The following IRGM variants were observed in gnomAD, a reference collection of about 807,000 sequenced individuals.
The protein encoded by IRGM is immunity-related GTPase family M protein.
For missense variants in IRGM, 288 were observed against 219.9 expected (o/e 1.31, Z -1.96); for synonymous variants, 98 against 80.6 (o/e 1.22, Z -1.16).
chr5:150,891,199 CTTAG>C (rs141102487), intron 3 of IRGM, among the ~76,000 whole-genome samples: 3,364 of 152,128 alleles, frequency 0.022, 90 homozygotes, highest in South Asian at 0.077. Flanking sequence ...TTAAAAATCT[CTTAG>C]TTAGTATTTA....
At chr5:150,856,985 GT>G (rs1226543413) in intron 1 of IRGM, among the ~76,000 whole-genome samples, 1 of 150,322 alleles carries the variant, frequency 6.7e-6, no homozygotes, top group African/African-American at 2.4e-5. Context: ...CAATGTGCAG[GT>G]TTGTTACATA....
chr5:150,887,492 C>T (rs944145089), intron 3 of IRGM, among the ~76,000 whole-genome samples: 1 of 151,760 alleles, frequency 6.6e-6, no homozygotes, highest in African/African-American at 2.4e-5. Context: ...AGGGAGGAAG[C>T]AAACAACTTG....
chr5:150,882,915 T>C (rs774666068), intron 3 of IRGM, among the ~76,000 whole-genome samples: 1 of 152,138 alleles, frequency 6.6e-6, no homozygotes, highest in Non-Finnish European at 1.5e-5. Context: ...CAGCATAATA[T>C]ACATTCTTTT....
At chr5:150,871,884 G>A (rs979758420) in intron 1 of IRGM, among the ~76,000 whole-genome samples, 1 of 152,198 alleles carries the variant, frequency 6.6e-6, no homozygotes, top group African/African-American at 2.4e-5. Flanking sequence ...TCTGCCCGGA[G>A]CTCATTGATC....
chr5:150,898,590 C>G (rs372058437), intron 3 of IRGM: 34 of 1,543,922 alleles, frequency 2.2e-5, no homozygotes, highest in Non-Finnish European at 7.9e-6. Flanking sequence ...CTGAAATGAT[C>G]ATTCTCATAA....
chr5:150,849,435 A>C (rs990956910), downstream of IRGM, among the ~76,000 whole-genome samples: 4 of 152,218 alleles, frequency 2.6e-5, no homozygotes, highest in Non-Finnish European at 5.9e-5. Flanking sequence ...AATCCAAAGG[A>C]AGGCATCAGA....
intron 3 of IRGM, among the ~76,000 whole-genome samples, chr5:150,893,501 C>T (rs1319692140): frequency 6.6e-6 from 1 of 152,124 alleles, no homozygotes; most frequent in African/African-American, 2.4e-5. Context: ...CTGTGAAAAA[C>T]TGATGTAATT....
chr5:150,895,849 G>GT (rs777193595), intron 3 of IRGM: 8 of 1,613,590 alleles, frequency 5.0e-6, no homozygotes, highest in East Asian at 2.2e-5. Context: ...CATTCATAAG[G>GT]TTTTTCCCCA....
chr5:150,871,290 ATTTTG>A (rs945361187), intron 1 of IRGM, among the ~76,000 whole-genome samples: 5 of 152,184 alleles, frequency 3.3e-5, no homozygotes, highest in African/African-American at 1.2e-4. Context: ...ATTTAAAAAG[ATTTTG>A]TTTTAAGAGC....
downstream of IRGM, among the ~76,000 whole-genome samples, chr5:150,849,611 T>C (rs1337804771): frequency 1.1e-4 from 16 of 148,368 alleles, no homozygotes; most frequent in African/African-American, 3.9e-4. Flanking sequence ...CTCTCTTTTT[T>C]TTTTTTTTTT....
chr5:150,856,976 A>C (rs1276830344), intron 1 of IRGM, among the ~76,000 whole-genome samples: 1 of 151,166 alleles, frequency 6.6e-6, no homozygotes, highest in Non-Finnish European at 1.5e-5. Flanking sequence ...ACATGTGCAC[A>C]ATGTGCAGGT....
At chr5:150,895,675 T>TC in intron 3 of IRGM, 1 of 1,612,834 alleles carries the variant, frequency 6.2e-7, no homozygotes, top group Non-Finnish European at 8.5e-7. Flanking sequence ...TCAGTACATA[T>TC]ATAAGGTTTT....
chr5:150,873,399 C>T (rs372477257), intron 1 of IRGM, among the ~76,000 whole-genome samples: 149 of 152,322 alleles, frequency 9.8e-4, no homozygotes, highest in African/African-American at 3.4e-3. Context: ...GACCCCACTA[C>T]ACTACCAACA....
chr5:150,856,163 C>T (rs1042480858), intron 1 of IRGM, among the ~76,000 whole-genome samples: 13 of 152,016 alleles, frequency 8.6e-5, no homozygotes, highest in Non-Finnish European at 1.8e-4. Flanking sequence ...CTGGGGGTGG[C>T]GGCTCATACC....
Position 150,848,153 on chromosome 5 carries a change from A to G in IRGM, c.30A>G (p.Ser10=). ...AAGCCATGAATGTTGAGAAAGCCTCAGCAGATGGGAACTTGCCAGAGGTGA... is the reference window on the plus strand; with the variant it reads ...AAGCCATGAATGTTGAGAAAGCCTCGGCAGATGGGAACTTGCCAGAGGTGA... MEAMNVEKA[S]ADGNLPEVIS... The change falls in exon 2 of 2, where the codon TCA becomes TCG. Residue 10 remains serine, a synonymous_variant. Transcript: ENST00000522154. 6.5e-7 allele frequency: 1 copy of G among 1,549,474 alleles called. No individual in the cohort carries two copies. The highest frequency in any genetic ancestry group is 8.7e-7 in the Non-Finnish European group (1 of 1,145,384).
At chr5:150,888,487 C>T (rs1754558171) in intron 3 of IRGM, among the ~76,000 whole-genome samples, 3 of 151,968 alleles carry the variant, frequency 2.0e-5, no homozygotes, top group Admixed American at 2.0e-4. Flanking sequence ...ACTCTCCACC[C>T]AAAAATAACA....
At chr5:150,885,205 G>T (rs1178930891) in intron 3 of IRGM, among the ~76,000 whole-genome samples, 2 of 152,048 alleles carry the variant, frequency 1.3e-5, no homozygotes, top group Non-Finnish European at 2.9e-5. Flanking sequence ...TGTCAGCTTT[G>T]TTGAAGATCA....
chr5:150,881,947 C>A (rs993941536), intron 3 of IRGM, among the ~76,000 whole-genome samples: 2 of 152,060 alleles, frequency 1.3e-5, no homozygotes, highest in African/African-American at 2.4e-5. Context: ...TTTGGGAGGC[C>A]GTGGTGGCCT....
chr5:150,858,137 T>A (rs1754084743), intron 1 of IRGM, among the ~76,000 whole-genome samples: 1 of 151,688 alleles, frequency 6.6e-6, no homozygotes, highest in Admixed American at 6.6e-5. Context: ...TTCAGCTTTC[T>A]ACATATGGCT....
Sources: allele counts gnomAD v4.1 joint callset (sites outside exome capture counted in the v4.1 genomes callset), GRCh38; gene constraint gnomAD v4.1.1; transcripts MANE v1.5; gene names NCBI Gene and HGNC (gene_info 2026-07-23, HGNC 2026-07-21).